NUDT13: variants seen among roughly 807,000 people sequenced by gnomAD.
The protein encoded by NUDT13 is NAD(P)H pyrophosphatase NUDT13, mitochondrial.
Under a neutral mutation model 41.7 loss-of-function variants are expected in NUDT13, and 40 were observed. The ratio of observed to expected loss-of-function variants is 0.96; its 90% CI spans 0.75 to 1.25. The LOEUF (loss-of-function observed/expected upper bound fraction) is 1.25, where lower values mean the gene tolerates loss of function less well. NUDT13 is among the 50% of genes most tolerant of loss of function. NUDT13 has a pLI of 0.00. For missense variants in NUDT13, 390 were observed against 416.1 expected, an observed-to-expected ratio of 0.94 and a Z score of 0.55; for synonymous variants, 145 against 155.5, an observed-to-expected ratio of 0.93 and a Z score of 0.50.
chr10:73,118,687 A>G (rs1842571669), intron 2 of NUDT13, among the ~76,000 whole-genome samples: 1 of 152,160 alleles, frequency 6.6e-6, no homozygotes, highest in African/African-American at 2.4e-5. Context: ...GCTACTGAAA[A>G]TACTATGGCT....
chr10:73,124,010 T>C (rs754851916), intron 4 of NUDT13, among the ~76,000 whole-genome samples: 2 of 151,844 alleles, frequency 1.3e-5, no homozygotes, highest in African/African-American at 2.4e-5. Flanking sequence ...GCGCACTGTA[T>C]GTAGCCTGGA....
intron 4 of NUDT13, 81 bp from the exon 5 acceptor site, chr10:73,124,133 A>T: frequency 1.0e-6 from 1 of 964,128 alleles, no homozygotes; most frequent in Non-Finnish European, 1.6e-6. Flanking sequence ...GGGAAACACT[A>T]TTTTAACAGG....
At chr10:73,121,808 C>T (rs888695834) in intron 3 of NUDT13, among the ~76,000 whole-genome samples, 1 of 152,086 alleles carries the variant, frequency 6.6e-6, no homozygotes, top group Non-Finnish European at 1.5e-5. Flanking sequence ...ATCCTCCCTG[C>T]CCCCCAGCCT....
At chr10:73,119,156 C>T (rs903427868) in intron 2 of NUDT13, among the ~76,000 whole-genome samples, 3 of 151,768 alleles carry the variant, frequency 2.0e-5, no homozygotes, top group Non-Finnish European at 4.4e-5. Context: ...AGCGATTCTT[C>T]GGCCTCAGCC....
At chr10:73,127,836 A>G (rs1842831773) in intron 8 of NUDT13, among the ~76,000 whole-genome samples, 1 of 150,840 alleles carries the variant, frequency 6.6e-6, no homozygotes, top group Non-Finnish European at 1.5e-5. Context: ...TGTAGACCTT[A>G]TGGTGTACAG....
intron 1 of NUDT13, among the ~76,000 whole-genome samples, chr10:73,111,746 C>T (rs1054620973): frequency 4.6e-5 from 7 of 152,206 alleles, no homozygotes; most frequent in Non-Finnish European, 7.3e-5. Context: ...GGCAAAACAT[C>T]AGGCAGCAGT....
Position 73,120,031 on chromosome 10 carries a change from C to A in NUDT13, c.97C>A (p.Leu33Met). 1 of 1,614,104 alleles carries A rather than the reference C, an allele frequency of 6.2e-7. No individual in the cohort carries two copies. The highest frequency in any genetic ancestry group is 8.5e-7 in the Non-Finnish European group (1 of 1,180,002). The change falls in exon 3 of 9, where the codon CTG (leucine) becomes ATG (methionine). Residue 33 changes from leucine (L) to methionine (M), a missense_variant. Leu to Met is a conservative substitution (Grantham distance 15). Coordinates refer to ENST00000357321, the MANE Select transcript of NUDT13 (RefSeq NM_015901.6). ...YVTKTRYLFE[L>M]KEDDDACKKA... ...TCCCAAATACAGGTATTTATTTGAA[C>A]TGAAGGAAGATGATGATGCATGTAA...
At chr10:73,116,228 C>G (rs1276974374) in intron 2 of NUDT13, among the ~76,000 whole-genome samples, 5 of 151,912 alleles carry the variant, frequency 3.3e-5, no homozygotes, top group African/African-American at 1.2e-4. Flanking sequence ...AGGCTGGTCT[C>G]AAACTCCTGG....
chr10:73,118,018 C>T (rs1466195117), intron 2 of NUDT13, among the ~76,000 whole-genome samples: 3 of 152,130 alleles, frequency 2.0e-5, no homozygotes, highest in Admixed American at 2.0e-4. Flanking sequence ...AAGACCTTAA[C>T]CTGGGTGTTT....
intron 1 of NUDT13, among the ~76,000 whole-genome samples, chr10:73,113,303 A>G (rs879296074): frequency 6.6e-6 from 1 of 152,244 alleles, no homozygotes; most frequent in Non-Finnish European, 1.5e-5. Context: ...TGCTGAGGAA[A>G]AAGAGAGGCT....
intron 7 of NUDT13, 169 bp downstream of exon 7, chr10:73,125,678 A>T (rs1005112075): frequency 2.1e-4 from 32 of 154,776 alleles, no homozygotes; most frequent in South Asian, 1.1e-3. Flanking sequence ...TATATATATA[A>T]AATTTTTTCC....
Position 73,131,120 on chromosome 10 carries a change from G to A in NUDT13, c.*217G>A. On this transcript the variant is annotated 3_prime_UTR_variant, in exon 9 of 9. Coordinates refer to ENST00000357321, the MANE Select transcript of NUDT13 (RefSeq NM_015901.6). ...AAGCCAGTGTGAGAAGAAAACTGAT[G>A]AGCTGTCAACTGTCAAAAATCAGGG... 1 of 446,950 alleles carries A rather than the reference G, an allele frequency of 2.2e-6. No individual in the cohort carries two copies. Among genetic ancestry groups the A allele is most frequent in the Admixed American group, 3.4e-5 (1 of 29,616 alleles). The allele number at this position is 446,950 out of a possible 1,614,324, so 27.7% of individuals were successfully genotyped here.
intron 4 of NUDT13, 29 bp downstream of exon 4, chr10:73,122,338 TCC>T: frequency 6.4e-7 from 1 of 1,562,676 alleles, no homozygotes; most frequent in Non-Finnish European, 8.6e-7. Flanking sequence ...AACGGGTACT[TCC>T]CAGTGGTCTT....
At chr10:73,120,235 A>C in intron 3 of NUDT13, 78 bp downstream of exon 3, 1 of 1,466,044 alleles carries the variant, frequency 6.8e-7, no homozygotes, top group Non-Finnish European at 9.3e-7. Context: ...AATTCTAAGA[A>C]AGATCCTTGA....
chr10:73,116,261 T>C (rs900999763), intron 2 of NUDT13, among the ~76,000 whole-genome samples: 8 of 151,960 alleles, frequency 5.3e-5, no homozygotes, highest in African/African-American at 1.9e-4. Context: ...CTCCTGCCTT[T>C]ACCTCCCAAA....
intron 1 of NUDT13, among the ~76,000 whole-genome samples, chr10:73,112,077 G>T (rs531167647): frequency 1.3e-5 from 2 of 152,146 alleles, no homozygotes; most frequent in Non-Finnish European, 2.9e-5. Context: ...AAGGCCGGGG[G>T]CAGTGGCTCT....
At chr10:73,120,415 T>C (rs1842615638) in intron 3 of NUDT13, among the ~76,000 whole-genome samples, 1 of 152,212 alleles carries the variant, frequency 6.6e-6, no homozygotes, top group Non-Finnish European at 1.5e-5. Flanking sequence ...GCTGTCCAAA[T>C]TGTATCTGCT....
At chr10:73,129,632 A>G (rs1842867758) in intron 8 of NUDT13, among the ~76,000 whole-genome samples, 1 of 151,890 alleles carries the variant, frequency 6.6e-6, no homozygotes, top group African/African-American at 2.4e-5. Context: ...TGCTTCTTGC[A>G]AAGATGAGAC....
chr10:73,121,623 T>C lies in NUDT13; in HGVS notation c.224-552T>C, dbSNP rs113648262. Reference sequence around the variant, plus strand: ...TCTGGAGGTTAATTATAGAACTGGATTGGTCTTTACCTGCAGCCTTGAACT... The same window carrying C: ...TCTGGAGGTTAATTATAGAACTGGACTGGTCTTTACCTGCAGCCTTGAACT... On this transcript the variant is annotated intron_variant, in intron 3 of 8. Transcript: ENST00000357321. 3.5e-4 allele frequency among the ~76,000 whole-genome samples: 54 copies of C among 152,258 alleles called. 1 individual carries two copies. The highest frequency in any genetic ancestry group is 3.4e-3 in the Middle Eastern group (1 of 294).
Sources: allele counts gnomAD v4.1 joint callset (sites outside exome capture counted in the v4.1 genomes callset), GRCh38; gene constraint gnomAD v4.1.1; transcripts MANE v1.5; gene names NCBI Gene and HGNC (gene_info 2026-07-23, HGNC 2026-07-21).